Variants in OR14I1 observed in about 807,000 individuals in gnomAD.
OR14I1 encodes olfactory receptor family 14 subfamily I member 1.
For missense variants in OR14I1, 279 were observed against 181.8 expected (o/e 1.53, Z -3.07); for synonymous variants, 118 against 71.1 (o/e 1.66, Z -3.32).
At chr1:248,696,007 G>T in the OR14I1 span, among the ~76,000 whole-genome samples, 1 of 152,088 alleles carries the variant, frequency 6.6e-6, no homozygotes, top group Non-Finnish European at 1.5e-5. Context: ...AGGCCATCGC[G>T]ATCATGTGTG....
At chr1:248,678,920 AG>A (rs1661517468), downstream of OR14I1, among the ~76,000 whole-genome samples, 1 of 152,240 alleles carries the variant, frequency 6.6e-6, no homozygotes, top group South Asian at 2.1e-4. Flanking sequence ...GAAGCAGCTC[AG>A]AAGCTTGCAG....
At chr1:248,691,415 GT>G in the OR14I1 span, among the ~76,000 whole-genome samples, 1 of 152,210 alleles carries the variant, frequency 6.6e-6, no homozygotes, top group African/African-American at 2.4e-5. Flanking sequence ...GAGGGTATTG[GT>G]AGGGTAGAAT....
At chr1:248,696,672 G>A in the OR14I1 span, among the ~76,000 whole-genome samples, 1 of 152,118 alleles carries the variant, frequency 6.6e-6, no homozygotes, top group East Asian at 1.9e-4. Context: ...CTCAAAAAAT[G>A]TCCCTTTTTC....
chr1:248,695,734 C>G, the OR14I1 span, among the ~76,000 whole-genome samples: 1 of 152,178 alleles, frequency 6.6e-6, no homozygotes, highest in Non-Finnish European at 1.5e-5. Context: ...ACCCCTTCTC[C>G]TACCCCGGGT....
chr1:248,678,459 A>G (rs554418216), downstream of OR14I1, among the ~76,000 whole-genome samples: 3 of 152,388 alleles, frequency 2.0e-5, no homozygotes, highest in South Asian at 6.2e-4. Context: ...GAAGTCAATT[A>G]CACGAAAACA....
chr1:248,684,978 G>C (rs1455897395), upstream of OR14I1, among the ~76,000 whole-genome samples: 1 of 151,932 alleles, frequency 6.6e-6, no homozygotes, highest in Non-Finnish European at 1.5e-5. Context: ...AAAATCATTT[G>C]TTATACTCTT....
chr1:248,679,866 TTA>T (rs1407574438), downstream of OR14I1, among the ~76,000 whole-genome samples: 6 of 152,218 alleles, frequency 3.9e-5, no homozygotes, highest in Non-Finnish European at 7.3e-5. Context: ...GCAAATTATC[TTA>T]TAGTTTCAGA....
the OR14I1 span, among the ~76,000 whole-genome samples, chr1:248,690,776 C>CA: frequency 8.8e-5 from 13 of 148,556 alleles, no homozygotes; most frequent in South Asian, 2.1e-4. Flanking sequence ...GAGACACAAC[C>CA]AAAAAAAAAA....
At chr1:248,687,964 T>C in the OR14I1 span, among the ~76,000 whole-genome samples, 1 of 152,278 alleles carries the variant, frequency 6.6e-6, no homozygotes, top group South Asian at 2.1e-4. Flanking sequence ...TGGATCTAAA[T>C]TGTTTTTGGC....
the OR14I1 span, among the ~76,000 whole-genome samples, chr1:248,702,283 T>C: frequency 6.6e-5 from 10 of 152,114 alleles, no homozygotes; most frequent in Admixed American, 6.5e-4. Context: ...GCCTGTAATA[T>C]CAAAAAACAA....
chr1:248,700,173 C>T, the OR14I1 span, among the ~76,000 whole-genome samples: 1 of 152,202 alleles, frequency 6.6e-6, no homozygotes, highest in African/African-American at 2.4e-5. Flanking sequence ...TGGCCTTGCT[C>T]CCGCATTTTT....
At chr1:248,695,899 G>T in the OR14I1 span, among the ~76,000 whole-genome samples, 1 of 152,190 alleles carries the variant, frequency 6.6e-6, no homozygotes, top group Non-Finnish European at 1.5e-5. Flanking sequence ...TGGAATGTTC[G>T]CAAGAGTTTC....
chr1:248,696,772 C>A, the OR14I1 span, among the ~76,000 whole-genome samples: 1 of 152,216 alleles, frequency 6.6e-6, no homozygotes, highest in African/African-American at 2.4e-5. Context: ...TTATCATCAT[C>A]TGACATATCA....
At chr1:248,696,956 G>A in the OR14I1 span, 32 of 152,250 alleles carry the variant, frequency 2.1e-4, no homozygotes, top group African/African-American at 7.2e-4. Context: ...TAGTTCTAGC[G>A]GCTGTTCTAT....
downstream of OR14I1, chr1:248,681,224 T>C (rs1042096020): frequency 5.3e-6 from 3 of 562,592 alleles, no homozygotes; most frequent in African/African-American, 3.8e-5. Context: ...GTAGTGCAAA[T>C]ATTGTCTTTC....
chr1:248,678,452 G>C (rs1006738887), downstream of OR14I1, among the ~76,000 whole-genome samples: 2 of 152,186 alleles, frequency 1.3e-5, no homozygotes. Context: ...CAAATTGGAA[G>C]TCAATTACAC....
exon 1 of OR14I1, chr1:248,681,603 T>C: frequency 1.3e-6 from 1 of 781,012 alleles, no homozygotes. Flanking sequence ...TGGAGAAGGC[T>C]TTTGCTCGAC....
At chr1:248,700,865 C>T in the OR14I1 span, among the ~76,000 whole-genome samples, 2 of 152,084 alleles carry the variant, frequency 1.3e-5, no homozygotes, top group Admixed American at 6.5e-5. Flanking sequence ...TGTTCTTTGC[C>T]AATGCTCATT....
the OR14I1 span, among the ~76,000 whole-genome samples, chr1:248,702,669 C>G: frequency 1.3e-5 from 2 of 152,134 alleles, no homozygotes; most frequent in Non-Finnish European, 2.9e-5. Context: ...ATATGGTGTA[C>G]TGCCTCTGCT....
Sources: allele counts gnomAD v4.1 joint callset (sites outside exome capture counted in the v4.1 genomes callset), GRCh38; gene constraint gnomAD v4.1.1; transcripts MANE v1.5; gene names NCBI Gene and HGNC (gene_info 2026-07-23, HGNC 2026-07-21).